Variants in CYB5A observed in about 807,000 individuals in gnomAD.
CYB5A encodes the protein cytochrome b5 type A.
Under a neutral mutation model 16.2 loss-of-function variants are expected in CYB5A, and 10 were observed. The ratio of observed to expected loss-of-function variants is 0.62; its 90% CI spans 0.38 to 1.04. The LOEUF is 1.04. CYB5A is among the 50% of genes least tolerant of loss of function. The probability of loss-of-function intolerance (pLI) is 0.01; values close to 1 mark genes in which losing one functional copy is unlikely to be tolerated. For missense variants in CYB5A, 161 were observed against 165.9 expected (o/e 0.97, Z 0.16); for synonymous variants, 62 against 57.0 (o/e 1.09, Z -0.40).
In CYB5A at chr18:74,251,786, G is replaced by A. The variant is rs914769664; in HGVS notation, c.*1798C>T. On this transcript the variant is annotated 3_prime_UTR_variant, in exon 5 of 5. Coordinates refer to ENST00000340533, the MANE Select transcript of CYB5A (RefSeq NM_148923.4). The stretch of plus-strand genomic sequence containing the variant: ...ACATGTTGTTCCCAAAACACATGAA[G>A]AAACATTGCCAGCCACAGCAGCAAA... 2 of 152,174 alleles carry A rather than the reference G, an allele frequency of 1.3e-5. No homozygotes were observed. Among genetic ancestry groups the A allele is most frequent in the Non-Finnish European group, 2.9e-5 (2 of 68,016 alleles). 9.4% of individuals were successfully genotyped at this position (152,174 alleles called of 1,614,324 possible).
intron 1 of CYB5A, among the ~76,000 whole-genome samples, chr18:74,289,844 G>A (rs540716302): frequency 2.0e-5 from 3 of 151,574 alleles, no homozygotes; most frequent in Admixed American, 2.0e-4. Context: ...AACTCAGGGA[G>A]GTGGCTCAAT....
Position 74,253,267 on chromosome 18 carries a change from T to C in CYB5A, c.*317A>G. ...ACCAGATTCTAAACATTAAAGACAA[T>C]TATACACCAAACAGGCAAACACGGT... On this transcript the variant is annotated 3_prime_UTR_variant, in exon 5 of 5. Transcript: ENST00000340533. The C allele has an allele frequency of 2.9e-6, 1 of 343,350 alleles. No individual in the cohort carries two copies. 21.3% of individuals were successfully genotyped at this position (343,350 alleles called of 1,614,324 possible). A position where few individuals can be genotyped will look rare whatever the true frequency, so the allele number is the denominator to read the frequency against.
intron 2 of CYB5A, among the ~76,000 whole-genome samples, chr18:74,261,876 C>G (rs927871108): frequency 1.3e-5 from 2 of 152,098 alleles, no homozygotes; most frequent in Admixed American, 6.6e-5. Flanking sequence ...CTTACGAGAG[C>G]AGAGCGGGCT....
At chr18:74,261,003 C>T (rs1982178700) in intron 2 of CYB5A, 59 bp from the exon 3 acceptor site, 1 of 1,297,732 alleles carries the variant, frequency 7.7e-7, no homozygotes, top group Non-Finnish European at 1.1e-6. Flanking sequence ...GTACCACTTC[C>T]AAAATGCTGA....
intron 1 of CYB5A, among the ~76,000 whole-genome samples, chr18:74,268,025 A>T (rs991643083): frequency 2.0e-5 from 3 of 152,208 alleles, no homozygotes; most frequent in African/African-American, 7.2e-5. Context: ...TTCCAGAGGA[A>T]GATTTCCATT....
intron 3 of CYB5A, chr18:74,256,918 C>T: frequency 7.2e-7 from 1 of 1,394,018 alleles, no homozygotes; most frequent in Non-Finnish European, 1.0e-6. Context: ...TTATCTATTC[C>T]AGCAATTTTA....
In CYB5A at chr18:74,252,936, C is replaced by G. The variant is rs1189219204; in HGVS notation, c.*648G>C. ...CAGGCTGGTCTTGAACTCCTGACCT[C>G]AAGTGATCCACCCACCTCAGCCTCC... On this transcript the variant is annotated 3_prime_UTR_variant, in exon 5 of 5. Coordinates refer to ENST00000340533, the MANE Select transcript of CYB5A (RefSeq NM_148923.4). 1 of 153,266 alleles carries G rather than the reference C, an allele frequency of 6.5e-6. No homozygotes were observed. The highest frequency in any genetic ancestry group is 2.4e-5 in the African/African-American group (1 of 41,462). The allele number at this position is 153,266 out of a possible 1,614,324, so 9.5% of individuals were successfully genotyped here.
chr18:74,281,947 G>A (rs966622429), intron 1 of CYB5A, among the ~76,000 whole-genome samples: 6 of 152,066 alleles, frequency 3.9e-5, no homozygotes, highest in Non-Finnish European at 8.8e-5. Context: ...GTGGCTTAGG[G>A]AATGTCTGTG....
chr18:74,287,257 G>C (rs1983356334), intron 1 of CYB5A, among the ~76,000 whole-genome samples: 1 of 152,216 alleles, frequency 6.6e-6, no homozygotes, highest in Non-Finnish European at 1.5e-5. Context: ...AGTAGCATGA[G>C]ATTCAGAATA....
chr18:74,276,589 A>G (rs1269575861), intron 1 of CYB5A, among the ~76,000 whole-genome samples: 1 of 151,596 alleles, frequency 6.6e-6, no homozygotes, highest in Non-Finnish European at 1.5e-5. Flanking sequence ...CCACTTGACT[A>G]CAAGGTTGTC....
chr18:74,277,271 T>C (rs1380324031), intron 1 of CYB5A, among the ~76,000 whole-genome samples: 2 of 152,216 alleles, frequency 1.3e-5, no homozygotes, highest in African/African-American at 4.8e-5. Flanking sequence ...TGGTTTGAGT[T>C]CATCAGACTT....
intron 2 of CYB5A, 57 bp from the exon 3 acceptor site, chr18:74,261,001 T>C: frequency 3.1e-6 from 4 of 1,311,452 alleles, no homozygotes; most frequent in Non-Finnish European, 4.4e-6. Flanking sequence ...AAGTACCACT[T>C]CCAAAATGCT....
chr18:74,253,713 T>C (rs1981856652), intron 4 of CYB5A, 48 bp from the exon 5 acceptor site: 1 of 1,320,644 alleles, frequency 7.6e-7, no homozygotes, highest in Non-Finnish European at 1.1e-6. Context: ...TGCACTGTGG[T>C]GGACTCAAAA....
Position 74,263,346 on chromosome 18 carries a change from T to G in CYB5A, c.258+3A>C. On this transcript the variant is annotated splice_donor_region_variant and intron_variant, in intron 2 of 4. Coordinates refer to ENST00000340533, the MANE Select transcript of CYB5A (RefSeq NM_148923.4). ...TAAGAAAGGGCCCCCAAAATGTACTTACTGGATGGAGCTCCCCAATGATGA... is the reference window on the plus strand; with the variant it reads ...TAAGAAAGGGCCCCCAAAATGTACTGACTGGATGGAGCTCCCCAATGATGA... The G allele has an allele frequency of 6.2e-7, 1 of 1,613,850 alleles. No individual in the cohort carries two copies. Among genetic ancestry groups the G allele is most frequent in the Non-Finnish European group, 8.5e-7 (1 of 1,179,814 alleles).
At chr18:74,256,932 T>A (rs1982009054) in intron 3 of CYB5A, 1 of 1,252,688 alleles carries the variant, frequency 8.0e-7, no homozygotes, top group Non-Finnish European at 1.2e-6. Flanking sequence ...AATTTTAAAA[T>A]CTTAGCATCT....
chr18:74,274,693 T>C (rs1025522093), intron 1 of CYB5A, among the ~76,000 whole-genome samples: 24 of 152,232 alleles, frequency 1.6e-4, no homozygotes, highest in Non-Finnish European at 1.0e-4. Context: ...GTATACACTA[T>C]ATTTTTGGAA....
In CYB5A at chr18:74,256,328, C is replaced by T. The variant is rs190537994; in HGVS notation, c.289-553G>A. 4.6e-4 allele frequency: 79 copies of T among 171,436 alleles called. 1 individual carries two copies. The East Asian group carries it at 0.012, about 26-fold the overall frequency. 10.6% of individuals were successfully genotyped at this position (171,436 alleles called of 1,614,324 possible). ...GGGGGCTGCTTTAATTCTGACCAGA[C>T]GGAACCAGCAAGACACCAGACCAGC... is the stretch of plus-strand genomic sequence containing the variant. On this transcript the variant is annotated intron_variant, in intron 3 of 4. Coordinates refer to ENST00000340533, the MANE Select transcript of CYB5A (RefSeq NM_148923.4).
chr18:74,289,698 C>A (rs1209269501), intron 1 of CYB5A, among the ~76,000 whole-genome samples: 1 of 150,940 alleles, frequency 6.6e-6, no homozygotes, highest in Non-Finnish European at 1.5e-5. Flanking sequence ...ATTGGTTGAA[C>A]CCAGGAGGCA....
chr18:74,291,214 G>A (rs1243449307), intron 1 of CYB5A, among the ~76,000 whole-genome samples: 1 of 152,230 alleles, frequency 6.6e-6, no homozygotes, highest in Non-Finnish European at 1.5e-5. Flanking sequence ...GAATGCCGCC[G>A]GTCCTGGAAG....
Sources: gnomAD v4.1 joint callset for allele counts (sites outside exome capture counted in the v4.1 genomes callset) on GRCh38, gnomAD v4.1.1 for gene constraint, MANE v1.5 for transcripts, NCBI Gene and HGNC (gene_info 2026-07-23, HGNC 2026-07-21) for gene names.